LMO1: variants seen among roughly 807,000 people sequenced by gnomAD.
The protein encoded by LMO1 is LIM domain only 1, also known as rhombotin-1.
LMO1 carries 10 observed loss-of-function variants against 18.0 expected under a neutral mutation model. That is an observed-to-expected ratio of 0.55 (90% CI 0.34 to 0.94). The LOEUF is 0.94. Ranked by LOEUF, LMO1 falls within the 40% of genes least tolerant of loss-of-function variation. LMO1 has a pLI of 0.02. For missense variants in LMO1, 183 were observed against 205.7 expected, an observed-to-expected ratio of 0.89 and a Z score of 0.68; for synonymous variants, 77 against 77.9, an observed-to-expected ratio of 0.99 and a Z score of 0.06.
At chr11:8,262,180 C>T (rs930877725) in intron 1 of LMO1, among the ~76,000 whole-genome samples, 2 of 152,238 alleles carry the variant, frequency 1.3e-5, no homozygotes, top group African/African-American at 2.4e-5. Flanking sequence ...GACTCCTGAA[C>T]GGAAGGGCAG....
upstream of LMO1, chr11:8,268,350 CCG>C: frequency 7.5e-7 from 1 of 1,326,644 alleles, no homozygotes; most frequent in Non-Finnish European, 1.0e-6. Flanking sequence ...GGGGTGGACT[CCG>C]CAGGGCCAGC....
At chr11:8,259,902 C>A (rs1215271356) in intron 1 of LMO1, among the ~76,000 whole-genome samples, 1 of 152,182 alleles carries the variant, frequency 6.6e-6, no homozygotes, top group African/African-American at 2.4e-5. Flanking sequence ...GCTTCACTCT[C>A]TTGGGCATTT....
chr11:8,241,796 A>C lies in LMO1; in HGVS notation c.26-11292T>G, dbSNP rs565672295. ...CTTTTCTGTGAGTTTCAAAAAAAAA[A>C]AAAACAAAAAAAAGTCTGATTGATT... On this transcript the variant is annotated intron_variant, in intron 1 of 3. Coordinates refer to ENST00000335790, the MANE Select transcript of LMO1 (RefSeq NM_002315.3). Among the ~76,000 whole-genome samples, 571 of 152,188 alleles carry C rather than the reference A, an allele frequency of 3.8e-3. 2 individuals are homozygous for C. Among genetic ancestry groups the C allele is most frequent in the African/African-American group, 0.013 (547 of 41,532 alleles).
At position 8,259,482 on chromosome 11, in the gene LMO1, C is replaced by A. The variant is rs370539096; in HGVS notation, c.25+3856G>T. On this transcript the variant is annotated intron_variant, in intron 1 of 3. Transcript: ENST00000335790. ...TGGTCATGGTAGATGCAGATGGTAACCCTCCCGCTCCCCTGCTTCTAGGCA... is the reference window on the plus strand; with the variant it reads ...TGGTCATGGTAGATGCAGATGGTAAACCTCCCGCTCCCCTGCTTCTAGGCA... 5.3e-5 allele frequency among the ~76,000 whole-genome samples: 8 copies of A among 152,310 alleles called. No homozygotes were observed. In the East Asian group the frequency reaches 1.2e-3, roughly 22 times the overall value.
intron 1 of LMO1, among the ~76,000 whole-genome samples, chr11:8,244,271 A>G (rs1846851815): frequency 6.6e-6 from 1 of 152,194 alleles, no homozygotes; most frequent in South Asian, 2.1e-4. Context: ...TGGCTTTGCA[A>G]GGAAATTACA....
At chr11:8,245,519 G>T (rs1201765134) in intron 1 of LMO1, among the ~76,000 whole-genome samples, 1 of 152,174 alleles carries the variant, frequency 6.6e-6, no homozygotes, top group African/African-American at 2.4e-5. Flanking sequence ...AAGCCCTTGA[G>T]GTGAGCAAAG....
upstream of LMO1, chr11:8,268,462 C>G (rs1028879749): frequency 5.0e-5 from 73 of 1,449,108 alleles, no homozygotes; most frequent in Non-Finnish European, 6.6e-5. Context: ...CCCGACGGCT[C>G]CAGCCGGACT....
At chr11:8,231,511 G>T (rs755485356) in intron 1 of LMO1, among the ~76,000 whole-genome samples, 3 of 152,222 alleles carry the variant, frequency 2.0e-5, no homozygotes, top group African/African-American at 4.8e-5. Flanking sequence ...ATGTGGACCC[G>T]TGAGGCTGGG....
chr11:8,260,506 G>T (rs1023256813), intron 1 of LMO1, among the ~76,000 whole-genome samples: 1 of 152,152 alleles, frequency 6.6e-6, no homozygotes, highest in East Asian at 1.9e-4. Flanking sequence ...AGATCTTTCC[G>T]TCTCTGTGGT....
intron 1 of LMO1, among the ~76,000 whole-genome samples, chr11:8,234,380 C>G (rs1358246036): frequency 6.6e-6 from 1 of 152,058 alleles, no homozygotes; most frequent in Non-Finnish European, 1.5e-5. Flanking sequence ...CTCATCTTCA[C>G]ATGGACCCCA....
intron 3 of LMO1, 30 bp from the exon 4 acceptor site, chr11:8,224,751 A>G (rs921974111): frequency 1.4e-6 from 2 of 1,479,216 alleles, no homozygotes; most frequent in African/African-American, 2.8e-5. Flanking sequence ...GAGAGAAGCC[A>G]TGGGAAGGTC....
At chr11:8,249,732 C>T (rs1160530621) in intron 1 of LMO1, among the ~76,000 whole-genome samples, 1 of 152,198 alleles carries the variant, frequency 6.6e-6, no homozygotes, top group African/African-American at 2.4e-5. Flanking sequence ...GCTCCAGTCA[C>T]AATGGCCTCT....
Position 8,263,701 on chromosome 11 carries a change from A to G in LMO1, c.-339T>C. ...TAAATGGCTCAATTTGCCCAGTATA[A>G]TCTGTCTTAATGTAATTGCATTTGA... On this transcript the variant is annotated 5_prime_UTR_variant, in exon 1 of 4. Coordinates refer to ENST00000335790, the MANE Select transcript of LMO1 (RefSeq NM_002315.3). 8.2e-7 allele frequency: 1 copy of G among 1,225,366 alleles called. No homozygotes were observed. Among genetic ancestry groups the G allele is most frequent in the Non-Finnish European group, 1.0e-6 (1 of 981,130 alleles). The allele number at this position is 1,225,366 out of a possible 1,614,324, so 75.9% of individuals were successfully genotyped here.
At chr11:8,246,165 A>G (rs1039748549) in intron 1 of LMO1, among the ~76,000 whole-genome samples, 21 of 152,182 alleles carry the variant, frequency 1.4e-4, no homozygotes, top group African/African-American at 4.6e-4. Context: ...TCGAAACCAT[A>G]TCACCCAGCA....
chr11:8,244,732 G>A (rs902372973), intron 1 of LMO1, among the ~76,000 whole-genome samples: 2 of 152,224 alleles, frequency 1.3e-5, no homozygotes, highest in African/African-American at 2.4e-5. Flanking sequence ...GGTAAGGGCT[G>A]GGGGCACCAG....
intron 1 of LMO1, among the ~76,000 whole-genome samples, chr11:8,253,036 G>A (rs1156668678): frequency 2.0e-5 from 3 of 152,240 alleles, no homozygotes; most frequent in South Asian, 2.1e-4. Flanking sequence ...CTGACAACCC[G>A]TGTTGTTGTG....
At chr11:8,236,039 A>G (rs1280265135) in intron 1 of LMO1, among the ~76,000 whole-genome samples, 1 of 152,192 alleles carries the variant, frequency 6.6e-6, no homozygotes, top group East Asian at 1.9e-4. Context: ...TGGTCAGTGC[A>G]AGTATGTGTA....
At chr11:8,258,889 C>A (rs745910574) in intron 1 of LMO1, among the ~76,000 whole-genome samples, 2 of 152,204 alleles carry the variant, frequency 1.3e-5, no homozygotes, top group African/African-American at 2.4e-5. Flanking sequence ...AAGGGTGAAG[C>A]TTTTAGGCGA....
chr11:8,259,310 G>A (rs934038610), intron 1 of LMO1, among the ~76,000 whole-genome samples: 5 of 152,184 alleles, frequency 3.3e-5, no homozygotes, highest in African/African-American at 7.2e-5. Context: ...CCCAAGGCTC[G>A]GGTGTGTGTG....
Sources: gnomAD v4.1 joint callset for allele counts (sites outside exome capture counted in the v4.1 genomes callset) on GRCh38, gnomAD v4.1.1 for gene constraint, MANE v1.5 for transcripts, NCBI Gene and HGNC (gene_info 2026-07-23, HGNC 2026-07-21) for gene names.